NALF1: variants seen among roughly 807,000 people sequenced by gnomAD.
NALF1 encodes the protein NALCN channel auxiliary factor 1, also known as family with sequence similarity 155 member A.
NALF1 carries 3 observed loss-of-function variants against 48.4 expected under a neutral mutation model. The ratio of observed to expected loss-of-function variants is 0.06; its 90% confidence interval spans 0.03 to 0.16. NALF1 has a LOEUF of 0.16. NALF1 is among the 10% of genes least tolerant of loss of function. The pLI, the probability that NALF1 is intolerant of heterozygous loss-of-function variation, is 1.00. For missense variants in NALF1, 526 were observed against 571.5 expected (o/e 0.92, Z 0.81); for synonymous variants, 262 against 245.7 (o/e 1.07, Z -0.62).
At chr13:107,522,398 T>C (rs574321052) in intron 1 of NALF1, among the ~76,000 whole-genome samples, 4 of 152,310 alleles carry the variant, frequency 2.6e-5, no homozygotes, top group African/African-American at 9.6e-5. Context: ...CTAATCTTTT[T>C]GTGCATCCTT....
At chr13:107,557,857 C>T (rs1877525918) in intron 1 of NALF1, among the ~76,000 whole-genome samples, 1 of 152,096 alleles carries the variant, frequency 6.6e-6, no homozygotes, top group Non-Finnish European at 1.5e-5. Context: ...TACATCGACT[C>T]TAATTTTTCT....
intron 1 of NALF1, among the ~76,000 whole-genome samples, chr13:107,425,769 G>T (rs1884269247): frequency 6.6e-6 from 1 of 151,918 alleles, no homozygotes; most frequent in Admixed American, 6.6e-5. Flanking sequence ...CTAAAATATT[G>T]GATCCCTCTG....
At chr13:107,532,616 G>C (rs117489063) in intron 1 of NALF1, among the ~76,000 whole-genome samples, 3,204 of 151,966 alleles carry the variant, frequency 0.021, 47 homozygotes, top group South Asian at 0.055. Context: ...ATTACATGAA[G>C]TTTTTATATA....
chr13:107,264,478 T>C (rs1200103931), intron 1 of NALF1, among the ~76,000 whole-genome samples: 6 of 152,228 alleles, frequency 3.9e-5, no homozygotes, highest in African/African-American at 1.4e-4. Context: ...AATGTGTCTT[T>C]CTTTTATTTG....
At chr13:107,348,198 T>A (rs1486528517) in intron 1 of NALF1, among the ~76,000 whole-genome samples, 1 of 152,216 alleles carries the variant, frequency 6.6e-6, no homozygotes, top group Non-Finnish European at 1.5e-5. Flanking sequence ...GATTGAGCAA[T>A]CAGAGGCATT....
At chr13:107,709,104 T>C (rs572791460) in intron 1 of NALF1, among the ~76,000 whole-genome samples, 112 of 152,348 alleles carry the variant, frequency 7.4e-4, no homozygotes, top group Non-Finnish European at 1.3e-3. Flanking sequence ...TACTTTAGAG[T>C]ATTTGTTTCA....
At chr13:107,738,455 G>A (rs987943291) in intron 1 of NALF1, among the ~76,000 whole-genome samples, 4 of 151,954 alleles carry the variant, frequency 2.6e-5, no homozygotes, top group Non-Finnish European at 2.9e-5. Context: ...TTTTCTCCCC[G>A]TTCCCTTGTC....
chr13:107,492,922 T>C (rs1046304603), intron 1 of NALF1, among the ~76,000 whole-genome samples: 1 of 152,186 alleles, frequency 6.6e-6, no homozygotes, highest in South Asian at 2.1e-4. Context: ...GGGATATTAA[T>C]ATGTAGAATA....
intron 1 of NALF1, among the ~76,000 whole-genome samples, chr13:107,617,232 G>A (rs886389948): frequency 6.6e-6 from 1 of 152,118 alleles, no homozygotes; most frequent in African/African-American, 2.4e-5. Flanking sequence ...ATCCATCCTA[G>A]GAAGCAAGCT....
intron 1 of NALF1, among the ~76,000 whole-genome samples, chr13:107,813,807 C>T (rs1349774809): frequency 1.3e-5 from 2 of 152,066 alleles, no homozygotes; most frequent in Non-Finnish European, 2.9e-5. Flanking sequence ...ACTGAATGGA[C>T]ACTGGAGATG....
At chr13:107,648,782 A>G (rs941313193) in intron 1 of NALF1, among the ~76,000 whole-genome samples, 1 of 152,140 alleles carries the variant, frequency 6.6e-6, no homozygotes, top group Non-Finnish European at 1.5e-5. Flanking sequence ...TAGCTGAACC[A>G]TTTTGCATTC....
chr13:107,795,387 A>AT (rs560066650), intron 1 of NALF1, among the ~76,000 whole-genome samples: 8 of 150,896 alleles, frequency 5.3e-5, no homozygotes, highest in East Asian at 1.9e-4. Flanking sequence ...GTTAGGTGCT[A>AT]TTTTTTTTTC....
Position 107,334,214 on chromosome 13 carries a change from T to C in NALF1, c.916-123459A>G, listed in dbSNP as rs544063049. ...GGTAGTAATAGTCTAAAGATTTGCA[T>C]AGAGGGACATCATTTTAACCTGGGG... On this transcript the variant is annotated intron_variant, in intron 1 of 2. Coordinates refer to ENST00000375915, the MANE Select transcript of NALF1 (RefSeq NM_001080396.3). 2.0e-5 allele frequency among the ~76,000 whole-genome samples: 3 copies of C among 152,338 alleles called. No individual in the cohort carries two copies. In the East Asian group the frequency reaches 5.8e-4, roughly 29 times the overall value.
intron 1 of NALF1, among the ~76,000 whole-genome samples, chr13:107,354,049 A>G (rs1882920535): frequency 6.6e-6 from 1 of 152,188 alleles, no homozygotes; most frequent in Non-Finnish European, 1.5e-5. Context: ...ATTCACGCAA[A>G]AATCAGAAGC....
chr13:107,496,871 G>A (rs1402922058), intron 1 of NALF1, among the ~76,000 whole-genome samples: 1 of 152,098 alleles, frequency 6.6e-6, no homozygotes, highest in Non-Finnish European at 1.5e-5. Flanking sequence ...TCACTATCAC[G>A]AGAACAGCAT....
At chr13:107,638,207 A>ATATAT (rs533265281) in intron 1 of NALF1, among the ~76,000 whole-genome samples, 8 of 142,592 alleles carry the variant, frequency 5.6e-5, no homozygotes, top group South Asian at 2.2e-4. Flanking sequence ...ATATATATAT[A>ATATAT]ATTTAAGATG....
rs1206741415 is a variant in NALF1, at chr13:107,866,325, T to C, written c.272A>G (p.Gln91Arg). 6 of 1,609,252 alleles carry C rather than the reference T, an allele frequency of 3.7e-6. No individual in the cohort carries two copies. The highest frequency in any genetic ancestry group is 4.2e-6 in the Non-Finnish European group (5 of 1,179,014). The change falls in exon 1 of 3, where the codon CAG becomes CGG. Residue 91 changes from glutamine (Q) to arginine (R), a missense_variant. Gln to Arg is a conservative substitution (Grantham distance 43). Transcript: ENST00000375915. This position sits in a 1 kb window ranked among gnomAD's most constrained non-coding sequence, Gnocchi z 4.4. ...CTGCTGCCGCCGCTGCTGCTGCTGCTGCTGCCGCTGCCTCTGCTGCTGCTG... is the reference window on the plus strand; with the variant it reads ...CTGCTGCCGCCGCTGCTGCTGCTGCCGCTGCCGCTGCCTCTGCTGCTGCTG... ...QQQQQQRQRQ[Q>R]QQQQRRQQEP... is the part of the protein sequence containing the mutation.
At chr13:107,178,171 A>C (rs1878979939) in intron 2 of NALF1, among the ~76,000 whole-genome samples, 2 of 152,234 alleles carry the variant, frequency 1.3e-5, no homozygotes, top group Admixed American at 1.3e-4. Flanking sequence ...ATACTCTACA[A>C]GCACAGGCAA....
intron 1 of NALF1, among the ~76,000 whole-genome samples, chr13:107,384,522 T>C (rs1416380389): frequency 6.6e-6 from 1 of 152,144 alleles, no homozygotes; most frequent in African/African-American, 2.4e-5. Context: ...TTTGCTTTTA[T>C]ACATATAATT....
Sources: allele counts gnomAD v4.1 joint callset (sites outside exome capture counted in the v4.1 genomes callset), GRCh38; gene constraint gnomAD v4.1.1; non-coding constraint Gnocchi (gnomAD v3.1); transcripts MANE v1.5; gene names NCBI Gene and HGNC (gene_info 2026-07-23, HGNC 2026-07-21).